Variants in ST3GAL3 observed in about 807,000 individuals in gnomAD.
ST3GAL3 encodes ST3 beta-galactoside alpha-2,3-sialyltransferase 3.
ST3GAL3 carries 21 observed loss-of-function variants against 50.1 expected under a neutral mutation model. The ratio of observed to expected loss-of-function variants is 0.42; its 90% CI spans 0.30 to 0.60. The LOEUF is 0.60. ST3GAL3 is among the 20% of genes least tolerant of loss of function. The probability of loss-of-function intolerance (pLI) is 0.19; values close to 1 mark genes in which losing one functional copy is unlikely to be tolerated. For synonymous variants in ST3GAL3, 183 were observed against 190.0 expected (o/e 0.96, Z 0.30); for missense variants, 353 against 489.4 (o/e 0.72, Z 2.63).
Position 43,809,264 on chromosome 1 carries a change from G to A in ST3GAL3, c.167-5627G>A, listed in dbSNP as rs189357340. ...GCATGAGAATATTAAGGAAAGGCACGGAAGATATGAAAAAAAACTCCCAGA... is the reference window on the plus strand; with the variant it reads ...GCATGAGAATATTAAGGAAAGGCACAGAAGATATGAAAAAAAACTCCCAGA... On this transcript the variant is annotated intron_variant, in intron 3 of 11. Transcript: ENST00000347631. 1.5e-3 allele frequency among the ~76,000 whole-genome samples: 221 copies of A among 152,058 alleles called. 4 individuals carry two copies. Among genetic ancestry groups the A allele is most frequent in the African/African-American group, 5.0e-3 (207 of 41,452 alleles).
chr1:43,798,813 A>T (rs2058990021), intron 3 of ST3GAL3, among the ~76,000 whole-genome samples: 1 of 152,206 alleles, frequency 6.6e-6, no homozygotes, highest in Admixed American at 6.5e-5. Context: ...TGTTTTGTTC[A>T]TCACTGTATC....
rs565562705 is a variant in ST3GAL3, at chr1:43,866,744, A to G, written c.303-27639A>G. Reference sequence around the variant, plus strand: ...TGTTTGGCACATAGTGTTACATCCTAGATGCTGGAAGACAGGCTAGAAGTA... The same window carrying G: ...TGTTTGGCACATAGTGTTACATCCTGGATGCTGGAAGACAGGCTAGAAGTA... On this transcript the variant is annotated intron_variant, in intron 5 of 11. Coordinates refer to ENST00000347631, the MANE Select transcript of ST3GAL3 (RefSeq NM_006279.5). 2.0e-5 allele frequency among the ~76,000 whole-genome samples: 3 copies of G among 152,302 alleles called. No individual in the cohort carries two copies. The South Asian group carries it at 6.2e-4, about 32-fold the overall frequency.
intron 1 of ST3GAL3, among the ~76,000 whole-genome samples, chr1:43,734,279 T>C (rs945732341): frequency 2.7e-5 from 4 of 148,940 alleles, no homozygotes; most frequent in African/African-American, 1.0e-4. Flanking sequence ...TTCTTTCTTC[T>C]CTTTCTTTCT....
chr1:43,832,625 T>G lies in ST3GAL3; in HGVS notation c.210-5594T>G, dbSNP rs1182704052. The stretch of plus-strand genomic sequence containing the variant: ...GAGTAACAGGTCAGACAGGTGGCAG[T>G]CAGAGGAGACAGAAGTTGTCCTTAA... On this transcript the variant is annotated intron_variant, in intron 4 of 11. Transcript: ENST00000347631. 2.6e-5 allele frequency among the ~76,000 whole-genome samples: 4 copies of G among 152,216 alleles called. No individual in the cohort carries two copies. The East Asian group carries it at 5.8e-4, about 22-fold the overall frequency.
At chr1:43,801,136 T>C (rs1349652033) in intron 3 of ST3GAL3, 1 of 380,194 alleles carries the variant, frequency 2.6e-6, no homozygotes, top group Non-Finnish European at 5.3e-6. Flanking sequence ...AGCACGGCAA[T>C]TTCTGATAGA....
chr1:43,806,348 A>G (rs1558382554), intron 3 of ST3GAL3, among the ~76,000 whole-genome samples: 1 of 152,132 alleles, frequency 6.6e-6, no homozygotes, highest in Non-Finnish European at 1.5e-5. Flanking sequence ...CTCAGGCATA[A>G]AAGAAGGGAG....
chr1:43,720,194 A>G (rs762566945), intron 1 of ST3GAL3, among the ~76,000 whole-genome samples: 2 of 152,132 alleles, frequency 1.3e-5, no homozygotes, highest in African/African-American at 2.4e-5. Flanking sequence ...ATGACACTGC[A>G]CTCCAGCCTG....
chr1:43,767,753 C>G (rs559539785), intron 2 of ST3GAL3, among the ~76,000 whole-genome samples: 5 of 151,418 alleles, frequency 3.3e-5, no homozygotes, highest in Non-Finnish European at 7.4e-5. Flanking sequence ...CAGCAAACCG[C>G]CATGGCACGT....
At chr1:43,719,450 T>G (rs910202015) in intron 1 of ST3GAL3, among the ~76,000 whole-genome samples, 8 of 151,950 alleles carry the variant, frequency 5.3e-5, no homozygotes, top group Admixed American at 5.2e-4. Context: ...TTGCCTGAGC[T>G]CAGGAGTTCG....
intron 2 of ST3GAL3, among the ~76,000 whole-genome samples, chr1:43,783,148 A>G (rs371101133): frequency 4.6e-5 from 7 of 152,310 alleles, no homozygotes; most frequent in African/African-American, 1.4e-4. Flanking sequence ...CCAAAGTTAC[A>G]TAGTGGGAAA....
chr1:43,897,037 ATTT>A (rs36010473), intron 6 of ST3GAL3, among the ~76,000 whole-genome samples: 2 of 142,382 alleles, frequency 1.4e-5, no homozygotes, highest in South Asian at 4.4e-4. Context: ...TAGGTCATTG[ATTT>A]TTTTTTTTTA....
chr1:43,801,389 C>A (rs1459344912), intron 3 of ST3GAL3: 1 of 456,148 alleles, frequency 2.2e-6, no homozygotes, highest in Admixed American at 2.3e-5. Flanking sequence ...TCATGTACAA[C>A]CGTATTCCTT....
chr1:43,894,972 A>G (rs1197027243), intron 6 of ST3GAL3, among the ~76,000 whole-genome samples: 1 of 152,166 alleles, frequency 6.6e-6, no homozygotes, highest in Non-Finnish European at 1.5e-5. Flanking sequence ...CCAGGGGTTA[A>G]GTATACAACA....
chr1:43,794,202 G>A lies in ST3GAL3; in HGVS notation c.166+2053G>A, dbSNP rs182497904. On this transcript the variant is annotated intron_variant, in intron 3 of 11. Transcript: ENST00000347631. The stretch of plus-strand genomic sequence containing the variant: ...AAGGCTTGTTTCCAGAACAAAGAAC[G>A]ACAGAAGTCAATAGGAATAAAGGAG... Among the ~76,000 whole-genome samples the A allele has an allele frequency of 3.3e-5, 5 of 151,940 alleles. No individual in the cohort carries two copies. In the East Asian group the frequency reaches 5.8e-4, roughly 18 times the overall value.
chr1:43,818,030 T>C (rs912558650), intron 4 of ST3GAL3, among the ~76,000 whole-genome samples: 1 of 152,070 alleles, frequency 6.6e-6, no homozygotes, highest in Non-Finnish European at 1.5e-5. Flanking sequence ...CCACAGTATC[T>C]GGCCTCATTT....
At chr1:43,900,389 C>A (rs548294672) in intron 9 of ST3GAL3, among the ~76,000 whole-genome samples, 1 of 152,198 alleles carries the variant, frequency 6.6e-6, no homozygotes, top group Admixed American at 6.5e-5. Context: ...GGTCTGGGCC[C>A]ATTTCTTTAG....
intron 5 of ST3GAL3, among the ~76,000 whole-genome samples, chr1:43,847,296 G>T (rs2066416813): frequency 6.6e-6 from 1 of 152,072 alleles, no homozygotes; most frequent in Non-Finnish European, 1.5e-5. Flanking sequence ...TCCACTTCTG[G>T]GTATATACCC....
chr1:43,743,850 C>G (rs984224924), intron 2 of ST3GAL3: 56 of 162,016 alleles, frequency 3.5e-4, no homozygotes, highest in Non-Finnish European at 2.7e-4. Flanking sequence ...CATTCCCCCC[C>G]CCCCCATTCC....
intron 2 of ST3GAL3, among the ~76,000 whole-genome samples, chr1:43,774,145 T>C (rs1039882041): frequency 2.0e-5 from 3 of 152,102 alleles, no homozygotes; most frequent in Non-Finnish European, 4.4e-5. Context: ...GAAAAAGACA[T>C]ACTTGGGGGG....
Sources: allele counts gnomAD v4.1 joint callset (sites outside exome capture counted in the v4.1 genomes callset), GRCh38; gene constraint gnomAD v4.1.1; transcripts MANE v1.5; gene names NCBI Gene and HGNC (gene_info 2026-07-23, HGNC 2026-07-21).